BAIAP2L1: variants seen among roughly 807,000 people sequenced by gnomAD.
The protein encoded by BAIAP2L1 is BAR/IMD domain-containing adapter protein 2-like 1.
In BAIAP2L1, 35 loss-of-function variants were observed where a neutral mutation model predicts 66.3. The observed-to-expected ratio is 0.53, with a 90% CI of 0.40 to 0.70. BAIAP2L1 has a LOEUF of 0.70. BAIAP2L1 is among the 30% of genes least tolerant of loss of function. BAIAP2L1 has a pLI of 0.00. For synonymous variants in BAIAP2L1, 269 were observed against 248.7 expected (o/e 1.08, Z -0.77); for missense variants, 622 against 656.9 (o/e 0.95, Z 0.58).
Position 98,400,871 on chromosome 7 carries a change from A to T in BAIAP2L1, c.-19T>A, listed in dbSNP as rs1192838464. 6.5e-7 allele frequency: 1 copy of T among 1,536,010 alleles called. No individual in the cohort carries two copies. Among genetic ancestry groups the T allele is most frequent in the Non-Finnish European group, 8.8e-7 (1 of 1,140,518 alleles). ...GGGACATGGCTGCGGCCGCCGGGCG[A>T]GCAAGCGCGGGAGGACGCGGCTGGG... On this transcript the variant is annotated 5_prime_UTR_variant, in exon 1 of 14. Transcript: ENST00000005260.
intron 3 of BAIAP2L1, among the ~76,000 whole-genome samples, chr7:98,336,656 C>T (rs1801625223): frequency 6.6e-6 from 1 of 152,176 alleles, no homozygotes; most frequent in African/African-American, 2.4e-5. Context: ...ATATCATTCT[C>T]TTACATGCCC....
At chr7:98,323,680 C>T (rs1422629156) in intron 3 of BAIAP2L1, among the ~76,000 whole-genome samples, 1 of 152,208 alleles carries the variant, frequency 6.6e-6, no homozygotes, top group African/African-American at 2.4e-5. Flanking sequence ...GGCGGAGAGG[C>T]GCAGTGAAGC....
chr7:98,292,778 A>G lies in BAIAP2L1; in HGVS notation c.*743T>C, dbSNP rs1584405206. On this transcript the variant is annotated 3_prime_UTR_variant, in exon 14 of 14. Coordinates refer to ENST00000005260, the MANE Select transcript of BAIAP2L1 (RefSeq NM_018842.5). ...GGCCAACTAGCTGAGTGAGAACACA[A>G]GGAGCCGTGACTCCGACGCCCAGGC... The G allele has an allele frequency of 2.6e-6, 4 of 1,547,188 alleles. No individual in the cohort carries two copies. In the African/African-American group the frequency reaches 4.1e-5, roughly 16 times the overall value.
intron 3 of BAIAP2L1, among the ~76,000 whole-genome samples, chr7:98,347,360 A>C (rs964286782): frequency 6.6e-6 from 1 of 152,248 alleles, no homozygotes; most frequent in Non-Finnish European, 1.5e-5. Flanking sequence ...GTCATAGAAC[A>C]ACGTAATTTT....
At chr7:98,314,087 A>G (rs148133486) in intron 7 of BAIAP2L1, among the ~76,000 whole-genome samples, 3,618 of 150,360 alleles carry the variant, frequency 0.024, 145 homozygotes, top group African/African-American at 0.084. Flanking sequence ...CTGGGTTCAA[A>G]CAATTCTCCT....
intron 3 of BAIAP2L1, 76 bp from the exon 4 acceptor site, chr7:98,320,374 C>A: frequency 8.4e-7 from 1 of 1,189,136 alleles, no homozygotes; most frequent in South Asian, 1.4e-5. Flanking sequence ...TTTGCTCTGT[C>A]GCCCAGGCTG....
Position 98,307,859 on chromosome 7 carries a change from CGAA to C in BAIAP2L1, c.990_992del (p.Ser331del). ...TCATCATGTTCAGTCCCGTTGCAACCGAAACTGATCGCTGTAAACTGGGATCTT... is the reference window on the plus strand; with the variant it reads ...TCATCATGTTCAGTCCCGTTGCAACCACTGATCGCTGTAAACTGGGATCTT... On this transcript the variant is annotated inframe_deletion, in exon 10 of 14. Coordinates refer to ENST00000005260, the MANE Select transcript of BAIAP2L1 (RefSeq NM_018842.5). 1.9e-6 allele frequency: 3 copies of C among 1,614,208 alleles called. No homozygotes were observed. The highest frequency in any genetic ancestry group is 2.5e-6 in the Non-Finnish European group (3 of 1,180,030).
chr7:98,389,231 C>G (rs1425612747), intron 1 of BAIAP2L1, among the ~76,000 whole-genome samples: 1 of 152,160 alleles, frequency 6.6e-6, no homozygotes, highest in East Asian at 1.9e-4. Flanking sequence ...CATGGGGCTG[C>G]TGGATTAGGG....
At chr7:98,340,356 C>T (rs545743598) in intron 3 of BAIAP2L1, among the ~76,000 whole-genome samples, 22 of 152,240 alleles carry the variant, frequency 1.4e-4, no homozygotes, top group South Asian at 1.2e-3. Flanking sequence ...GGCCCAATCT[C>T]GGCTCACTGC....
At chr7:98,339,586 C>T (rs952579871) in intron 3 of BAIAP2L1, among the ~76,000 whole-genome samples, 1 of 152,212 alleles carries the variant, frequency 6.6e-6, no homozygotes, top group Non-Finnish European at 1.5e-5. Context: ...GGGAATGCGG[C>T]TGGCGTGGCC....
intron 1 of BAIAP2L1, among the ~76,000 whole-genome samples, chr7:98,390,157 T>C (rs1449067518): frequency 1.3e-5 from 2 of 151,892 alleles, no homozygotes; most frequent in East Asian, 2.0e-4. Context: ...CCTCGTGATC[T>C]GCCCACCTCG....
chr7:98,377,689 G>C (rs762039190), intron 1 of BAIAP2L1, among the ~76,000 whole-genome samples: 1 of 151,116 alleles, frequency 6.6e-6, no homozygotes, highest in African/African-American at 2.4e-5. Context: ...GTGGTGGCAC[G>C]CGCCTGTAAT....
intron 1 of BAIAP2L1, among the ~76,000 whole-genome samples, chr7:98,389,800 A>G (rs544577566): frequency 1.3e-5 from 2 of 152,264 alleles, no homozygotes; most frequent in African/African-American, 4.8e-5. Flanking sequence ...CAAACTATAG[A>G]AATGACCCCT....
chr7:98,357,813 C>A (rs980212071), intron 2 of BAIAP2L1, among the ~76,000 whole-genome samples: 3 of 152,082 alleles, frequency 2.0e-5, no homozygotes, highest in Admixed American at 1.3e-4. Flanking sequence ...CTAAGGGCAG[C>A]GGAGTGGAGA....
chr7:98,385,962 A>G (rs1584503771), intron 1 of BAIAP2L1: 1 of 1,484,818 alleles, frequency 6.7e-7, no homozygotes, highest in Non-Finnish European at 9.3e-7. Context: ...TAACGAAGAC[A>G]TCATGGAGAG....
At chr7:98,329,096 T>C (rs985612577) in intron 3 of BAIAP2L1, among the ~76,000 whole-genome samples, 1 of 152,194 alleles carries the variant, frequency 6.6e-6, no homozygotes, top group South Asian at 2.1e-4. Flanking sequence ...CTGGTCACCG[T>C]TGATGCAAAA....
Position 98,293,605 on chromosome 7 carries a change from G to A in BAIAP2L1, c.1461-9C>T, listed in dbSNP as rs775363841. On this transcript the variant is annotated splice_polypyrimidine_tract_variant and intron_variant, in intron 13 of 13. Coordinates refer to ENST00000005260, the MANE Select transcript of BAIAP2L1 (RefSeq NM_018842.5). The stretch of plus-strand genomic sequence containing the variant: ...CAAAGGGGTTTTCTCCGCTGCAGGG[G>A]ATAAGAAAAATCTTTCAGAACTTCT... 1 of 1,611,840 alleles carries A rather than the reference G, an allele frequency of 6.2e-7. No homozygotes were observed. Among genetic ancestry groups the A allele is most frequent in the Non-Finnish European group, 8.5e-7 (1 of 1,177,968 alleles).
At chr7:98,319,548 CTT>C (rs35466813) in intron 5 of BAIAP2L1, among the ~76,000 whole-genome samples, 10 of 138,494 alleles carry the variant, frequency 7.2e-5, no homozygotes, top group East Asian at 2.1e-4. Flanking sequence ...TTTCCTATGC[CTT>C]TTTTTTTTTT....
At chr7:98,369,663 ATTTTTT>A (rs71112146) in intron 1 of BAIAP2L1, among the ~76,000 whole-genome samples, 79 of 103,848 alleles carry the variant, frequency 7.6e-4, no homozygotes, top group Non-Finnish European at 1.0e-3. Flanking sequence ...TGATTTCCTA[ATTTTTT>A]TTTTTTTTTT....
Sources: gnomAD v4.1 joint callset for allele counts (sites outside exome capture counted in the v4.1 genomes callset) on GRCh38, gnomAD v4.1.1 for gene constraint, MANE v1.5 for transcripts, NCBI Gene and HGNC (gene_info 2026-07-23, HGNC 2026-07-21) for gene names.